Variants in COMMD1 observed in about 807,000 individuals in gnomAD.
The protein encoded by COMMD1 is copper metabolism domain containing 1.
COMMD1 carries 10 observed loss-of-function variants against 17.2 expected under a neutral mutation model. The observed-to-expected ratio is 0.58, with a 90% CI of 0.36 to 0.99. COMMD1 has a LOEUF of 0.99. Ranked by LOEUF, COMMD1 falls within the 50% of genes least tolerant of loss-of-function variation. The pLI is 0.01. For synonymous variants in COMMD1, 97 were observed against 91.6 expected, an observed-to-expected ratio of 1.06 and a Z score of -0.34; for missense variants, 270 against 231.8, an observed-to-expected ratio of 1.17 and a Z score of -1.07.
At chr2:62,002,024 G>T (rs1304994972) in intron 2 of COMMD1, among the ~76,000 whole-genome samples, 1 of 151,976 alleles carries the variant, frequency 6.6e-6, no homozygotes, top group Non-Finnish European at 1.5e-5. Context: ...TACAAAATTA[G>T]CTGGGCATGG....
chr2:62,121,371 C>CA lies in COMMD1; in HGVS notation c.463-14434dup, dbSNP rs55789110. On this transcript the variant is annotated intron_variant, in intron 2 of 2. Coordinates refer to ENST00000311832, the MANE Select transcript of COMMD1 (RefSeq NM_152516.4). ...GGCAACAGAGTGAGAGACTCTTTCT[C>CA]AAAAAAAAAAAAAAAAAAAAAAAAA... is the stretch of plus-strand genomic sequence containing the variant. Among the ~76,000 whole-genome samples the CA allele has an allele frequency of 9.4e-3, 445 of 47,178 alleles. 16 individuals carry two copies. Among genetic ancestry groups the CA allele is most frequent in the Middle Eastern group, 0.025 (1 of 40 alleles). 31.0% of individuals were successfully genotyped at this position (47,178 alleles called of 152,430 possible).
At chr2:62,037,389 A>G (rs1573099814) in intron 2 of COMMD1, among the ~76,000 whole-genome samples, 1 of 152,340 alleles carries the variant, frequency 6.6e-6, no homozygotes, top group East Asian at 1.9e-4. Context: ...CACACAGTGC[A>G]TAGGAGCAGT....
chr2:61,928,877 T>C (rs1049364596), intron 1 of COMMD1, among the ~76,000 whole-genome samples: 4 of 152,130 alleles, frequency 2.6e-5, no homozygotes, highest in African/African-American at 9.7e-5. Context: ...AAAAAAAGGA[T>C]ACTAGAGAAA....
intron 1 of COMMD1, among the ~76,000 whole-genome samples, chr2:61,952,698 G>A (rs1671090428): frequency 6.6e-6 from 1 of 152,188 alleles, no homozygotes; most frequent in African/African-American, 2.4e-5. Context: ...GTTTCCCTGT[G>A]TTGCTGGCCA....
At chr2:62,088,923 C>T (rs368976559) in intron 2 of COMMD1, among the ~76,000 whole-genome samples, 3 of 151,964 alleles carry the variant, frequency 2.0e-5, no homozygotes, top group East Asian at 3.8e-4. Context: ...TTCAGAAAGG[C>T]GGGACAACTC....
intron 2 of COMMD1, among the ~76,000 whole-genome samples, chr2:62,058,656 T>A (rs747129112): frequency 6.6e-6 from 1 of 152,080 alleles, no homozygotes; most frequent in Non-Finnish European, 1.5e-5. Flanking sequence ...AGAGGATTGC[T>A]TGGGCCTGGA....
chr2:61,943,348 A>G (rs372537307), intron 1 of COMMD1, among the ~76,000 whole-genome samples: 1 of 152,112 alleles, frequency 6.6e-6, no homozygotes, highest in African/African-American at 2.4e-5. Flanking sequence ...GTGTTTTTTC[A>G]TTCCTAAATT....
Position 61,943,309 on chromosome 2 carries a change from CAG to C in COMMD1, c.180+37452_180+37453del, listed in dbSNP as rs201927121. ...CAAGTAGAGGGGTCATGAAACCAAA[CAG>C]GGTGCCTGAGAGGGACCACTCTCCT... On this transcript the variant is annotated intron_variant, in intron 1 of 2. Transcript: ENST00000311832. 9.0e-3 allele frequency among the ~76,000 whole-genome samples: 1,365 copies of C among 152,314 alleles called. 12 individuals carry two copies. The highest frequency in any genetic ancestry group is 0.015 in the Non-Finnish European group (1,031 of 68,036).
intron 1 of COMMD1, among the ~76,000 whole-genome samples, chr2:61,998,071 G>C (rs111403263): frequency 1.3e-5 from 2 of 152,208 alleles, no homozygotes; most frequent in East Asian, 3.9e-4. Context: ...AACCAACCTT[G>C]CTTCAAACTT....
chr2:61,918,739 A>G (rs1244096154), intron 1 of COMMD1: 1 of 152,176 alleles, frequency 6.6e-6, no homozygotes, highest in African/African-American at 2.4e-5. Flanking sequence ...TATCTTATAT[A>G]TGATAAATGC....
At chr2:62,113,712 A>T (rs1672517500) in intron 2 of COMMD1, among the ~76,000 whole-genome samples, 2 of 152,220 alleles carry the variant, frequency 1.3e-5, no homozygotes, top group South Asian at 4.1e-4. Context: ...TAAGAAATAG[A>T]TGCTAACATA....
intron 2 of COMMD1, among the ~76,000 whole-genome samples, chr2:62,103,991 C>G (rs1465050421): frequency 6.6e-6 from 1 of 152,064 alleles, no homozygotes; most frequent in Admixed American, 6.6e-5. Context: ...CACACACATG[C>G]CACCACACTC....
intron 1 of COMMD1, among the ~76,000 whole-genome samples, chr2:61,983,926 TG>T (rs1457847498): frequency 6.6e-6 from 1 of 152,222 alleles, no homozygotes; most frequent in African/African-American, 2.4e-5. Context: ...ATCATTATGT[TG>T]TTTATTTGAA....
intron 1 of COMMD1, among the ~76,000 whole-genome samples, chr2:61,989,463 ATT>A (rs1238326375): frequency 1.4e-4 from 19 of 137,268 alleles, no homozygotes; most frequent in African/African-American, 3.0e-4. Flanking sequence ...GCAAATATTG[ATT>A]TTTTTTTTTT....
intron 2 of COMMD1, among the ~76,000 whole-genome samples, chr2:62,123,779 G>C (rs1380052007): frequency 6.6e-6 from 1 of 151,888 alleles, no homozygotes; most frequent in Non-Finnish European, 1.5e-5. Flanking sequence ...CTTTAAGGCA[G>C]ACTACATGGT....
intron 2 of COMMD1, among the ~76,000 whole-genome samples, chr2:62,086,673 A>T (rs1182304411): frequency 6.6e-6 from 1 of 152,216 alleles, no homozygotes; most frequent in Non-Finnish European, 1.5e-5. Context: ...TTTATTATTT[A>T]TAACCTAAAT....
chr2:62,078,058 G>A (rs1170854141), intron 2 of COMMD1, among the ~76,000 whole-genome samples: 1 of 151,700 alleles, frequency 6.6e-6, no homozygotes. Context: ...GGCGGATCAC[G>A]AGGTCAGGAG....
At chr2:62,110,950 G>C (rs570471792) in intron 2 of COMMD1, among the ~76,000 whole-genome samples, 12 of 152,224 alleles carry the variant, frequency 7.9e-5, no homozygotes, top group African/African-American at 2.9e-4. Context: ...AACAAAAAAA[G>C]AGTGGGGAAA....
At chr2:61,949,899 G>T (rs1249394881) in intron 1 of COMMD1, among the ~76,000 whole-genome samples, 1 of 152,174 alleles carries the variant, frequency 6.6e-6, no homozygotes, top group Non-Finnish European at 1.5e-5. Flanking sequence ...CTGCCTGCCT[G>T]CAGACATAGA....
Sources: gnomAD v4.1 joint callset for allele counts (sites outside exome capture counted in the v4.1 genomes callset) on GRCh38, gnomAD v4.1.1 for gene constraint, MANE v1.5 for transcripts, NCBI Gene and HGNC (gene_info 2026-07-23, HGNC 2026-07-21) for gene names.